ACSL1: variants seen among roughly 807,000 people sequenced by gnomAD.
ACSL1 encodes the protein long-chain-fatty-acid--CoA ligase 1.
ACSL1 carries 41 observed loss-of-function variants against 98.4 expected under a neutral mutation model. That is an observed-to-expected ratio of 0.42 (90% CI 0.32 to 0.54). ACSL1 has a LOEUF of 0.54. Ranked by LOEUF, ACSL1 falls within the 20% of genes least tolerant of loss-of-function variation. The probability of loss-of-function intolerance (pLI) is 0.13; values close to 1 mark genes in which losing one functional copy is unlikely to be tolerated. For missense variants in ACSL1, 734 were observed against 883.1 expected (o/e 0.83, Z 2.14); for synonymous variants, 316 against 322.7 (o/e 0.98, Z 0.22).
chr4:184,776,891 G>T lies in ACSL1; in HGVS notation c.570C>A (p.Val190=). ...CAAAGATCACAGACGTACCTTTGTT[G>T]ACTATGTACGTGATGGCTTCATTTC... ...TLGNEAITYI[V]NKAELSLVFV... The change falls in exon 6 of 21, where the codon GTC becomes GTA. Residue 190 remains valine, a synonymous_variant. Coordinates refer to ENST00000281455, the MANE Select transcript of ACSL1 (RefSeq NM_001995.5). The T allele has an allele frequency of 6.2e-7, 1 of 1,613,778 alleles. No individual in the cohort carries two copies. The highest frequency in any genetic ancestry group is 8.5e-7 in the Non-Finnish European group (1 of 1,179,682).
At position 184,790,650 on chromosome 4, in the gene ACSL1, G is replaced by A. The variant is rs182416452; in HGVS notation, c.196-1919C>T. On this transcript the variant is annotated intron_variant, in intron 2 of 20. Coordinates refer to ENST00000281455, the MANE Select transcript of ACSL1 (RefSeq NM_001995.5). Reference sequence around the variant, plus strand: ...GGAGAATATCTTTGCTTAGTGTCACGCATTATTGTTACTTAATCGCTGAGT... The same window carrying A: ...GGAGAATATCTTTGCTTAGTGTCACACATTATTGTTACTTAATCGCTGAGT... Among the ~76,000 whole-genome samples the A allele has an allele frequency of 1.0e-3, 159 of 152,268 alleles. 1 individual carries two copies. Among genetic ancestry groups the A allele is most frequent in the Non-Finnish European group, 1.6e-3 (107 of 68,020 alleles).
chr4:184,798,251 A>G (rs1769801130), intron 2 of ACSL1: 1 of 152,238 alleles, frequency 6.6e-6, no homozygotes, highest in Non-Finnish European at 1.5e-5. Context: ...AGGTTCTGAT[A>G]TTCTTAAAAT....
chr4:184,785,621 GAA>G (rs1208004533), intron 3 of ACSL1, among the ~76,000 whole-genome samples: 117 of 32,322 alleles, frequency 3.6e-3, no homozygotes, highest in Middle Eastern at 0.032. Context: ...GGGGGGGGGG[GAA>G]GGAAGCAAAT....
chr4:184,780,673 C>T (rs994694685), intron 4 of ACSL1, among the ~76,000 whole-genome samples: 2 of 152,200 alleles, frequency 1.3e-5, no homozygotes, highest in Admixed American at 6.5e-5. Flanking sequence ...TTAATCTTAT[C>T]CCAATGGCTG....
At chr4:184,813,797 T>C (rs1393707727) in intron 1 of ACSL1, 3 of 455,382 alleles carry the variant, frequency 6.6e-6, no homozygotes, top group Non-Finnish European at 1.3e-5. Flanking sequence ...GAGGATCAAA[T>C]GTCCTTTCAC....
At position 184,803,961 on chromosome 4, in the gene ACSL1, G is replaced by T. The variant is rs1161145710; in HGVS notation, c.-32-415C>A. Among the ~76,000 whole-genome samples, 1 of 152,208 alleles carries T rather than the reference G, an allele frequency of 6.6e-6. No homozygotes were observed. Among genetic ancestry groups the T allele is most frequent in the Non-Finnish European group, 1.5e-5 (1 of 68,026 alleles). On this transcript the variant is annotated intron_variant, in intron 1 of 20. Transcript: ENST00000281455. This position sits in a 1 kb window ranked among gnomAD's most constrained non-coding sequence, Gnocchi z 4.8. ...TGTCAAGGCTAATGGGAATATGAGTGAAGGGGAAGTACAAGCCCAAACCAC... is the reference window on the plus strand; with the variant it reads ...TGTCAAGGCTAATGGGAATATGAGTTAAGGGGAAGTACAAGCCCAAACCAC...
chr4:184,804,342 A>G (rs6855716), intron 1 of ACSL1, among the ~76,000 whole-genome samples: 70,989 of 151,994 alleles, frequency 0.47, 17,252 homozygotes, highest in African/African-American at 0.59. Flanking sequence ...CACTTTGGGA[A>G]GCCGAGGCGG....
At chr4:184,809,624 C>A (rs1771831283) in intron 1 of ACSL1, among the ~76,000 whole-genome samples, 1 of 149,962 alleles carries the variant, frequency 6.7e-6, no homozygotes, top group South Asian at 2.1e-4. Flanking sequence ...AACTCCATCT[C>A]TACTAAAAAT....
At position 184,757,610 on chromosome 4, in the gene ACSL1, TC is replaced by T. The variant is rs770983093; in HGVS notation, c.1956+24del. ...AATGGAAAATTTGTTTTACAGGAAT[TC>T]ACCCACTCAGATGAAGGTCATACCT... On this transcript the variant is annotated intron_variant, in intron 20 of 20. Transcript: ENST00000281455. This position sits in a 1 kb window ranked among gnomAD's most constrained non-coding sequence, Gnocchi z 4.5. 6.3e-7 allele frequency: 1 copy of T among 1,594,828 alleles called. No individual in the cohort carries two copies. Among genetic ancestry groups the T allele is most frequent in the South Asian group, 1.1e-5 (1 of 87,686 alleles).
intron 2 of ACSL1, among the ~76,000 whole-genome samples, chr4:184,792,159 G>C (rs1445002465): frequency 6.6e-6 from 1 of 152,176 alleles, no homozygotes; most frequent in Admixed American, 6.5e-5. Flanking sequence ...GCAACATCTT[G>C]ACATGTAACC....
intron 1 of ACSL1, among the ~76,000 whole-genome samples, chr4:184,810,049 T>C (rs145334033): frequency 1.3e-3 from 201 of 152,356 alleles, no homozygotes; most frequent in African/African-American, 4.7e-3. Flanking sequence ...ATTTGAATGA[T>C]ATTAGAACAG....
At chr4:184,812,315 A>T in intron 1 of ACSL1, 2 of 803,578 alleles carry the variant, frequency 2.5e-6, no homozygotes, top group Non-Finnish European at 3.0e-6. Context: ...ACCCTCTGTG[A>T]TTCTGACCGT....
In ACSL1 at chr4:184,803,530, G is replaced by C. The variant is rs779333906; in HGVS notation, c.-16C>G. 4.7e-6 allele frequency: 7 copies of C among 1,504,902 alleles called. No individual in the cohort carries two copies. In the East Asian group the frequency reaches 1.7e-4, roughly 36 times the overall value. The allele number at this position is 1,504,902 out of a possible 1,614,324, so 93.2% of individuals were successfully genotyped here. On this transcript the variant is annotated 5_prime_UTR_variant, in exon 2 of 21. Coordinates refer to ENST00000281455, the MANE Select transcript of ACSL1 (RefSeq NM_001995.5). This position sits in a 1 kb window ranked among gnomAD's most constrained non-coding sequence, Gnocchi z 4.8. ...GGGCTTGCATTGTCCTGTGTTGATAGTTCTCTAAGCTGAATTCTGTTGGGA... is the reference window on the plus strand; with the variant it reads ...GGGCTTGCATTGTCCTGTGTTGATACTTCTCTAAGCTGAATTCTGTTGGGA...
chr4:184,786,428 A>ATG (rs1767335319), intron 3 of ACSL1, among the ~76,000 whole-genome samples: 1 of 124,160 alleles, frequency 8.1e-6, no homozygotes, highest in Admixed American at 8.0e-5. Context: ...GCACACACAC[A>ATG]CACACACACA....
intron 5 of ACSL1, among the ~76,000 whole-genome samples, chr4:184,777,904 G>A (rs1455832982): frequency 6.6e-6 from 1 of 152,192 alleles, no homozygotes; most frequent in Admixed American, 6.5e-5. Context: ...TGGAGAGCAC[G>A]GAGCAGCCAC....
intron 3 of ACSL1, 132 bp downstream of exon 3, chr4:184,788,485 A>C: frequency 2.7e-6 from 2 of 747,770 alleles, no homozygotes; most frequent in Non-Finnish European, 4.7e-6. Context: ...TGGGAAAGTT[A>C]CAGTGGACAC....
intron 2 of ACSL1, among the ~76,000 whole-genome samples, chr4:184,791,511 C>A (rs183305310): frequency 1.3e-5 from 2 of 152,324 alleles, no homozygotes; most frequent in South Asian, 2.1e-4. Flanking sequence ...TCTGGGGATG[C>A]GATCCAGCAA....
upstream of ACSL1, chr4:184,826,061 A>G (rs932809351): frequency 1.4e-5 from 2 of 142,196 alleles, no homozygotes; most frequent in African/African-American, 5.0e-5. Context: ...CGGCTGAGCC[A>G]GGATGCTGCT....
At chr4:184,807,076 A>G (rs1771523534) in intron 1 of ACSL1, among the ~76,000 whole-genome samples, 1 of 152,226 alleles carries the variant, frequency 6.6e-6, no homozygotes, top group South Asian at 2.1e-4. Context: ...CCTACATCCA[A>G]AGAAAATCAG....
Sources: allele counts gnomAD v4.1 joint callset (sites outside exome capture counted in the v4.1 genomes callset), GRCh38; gene constraint gnomAD v4.1.1; non-coding constraint Gnocchi (gnomAD v3.1); transcripts MANE v1.5; gene names NCBI Gene and HGNC (gene_info 2026-07-23, HGNC 2026-07-21).